OVCH1: variants seen among roughly 807,000 people sequenced by gnomAD.
OVCH1 encodes ovochymase-1.
OVCH1 carries 139 observed loss-of-function variants against 138.4 expected under a neutral mutation model. The observed-to-expected ratio is 1.00, with a 90% CI of 0.87 to 1.16. The LOEUF (loss-of-function observed/expected upper bound fraction) is 1.16, where lower values mean the gene tolerates loss of function less well. OVCH1 is among the 50% of genes most tolerant of loss of function. OVCH1 has a pLI of 0.00. For missense variants in OVCH1, 1,367 were observed against 1,357.9 expected, an observed-to-expected ratio of 1.01 and a Z score of -0.11; for synonymous variants, 453 against 467.8, an observed-to-expected ratio of 0.97 and a Z score of 0.41.
intron 3 of OVCH1, among the ~76,000 whole-genome samples, chr12:29,419,455 T>A (rs149266363): frequency 0.012 from 1 of 86 alleles, no homozygotes; most frequent in African/African-American, 0.015. Context: ...GCCCGGCTAA[T>A]TTTTTTTTTT....
At chr12:29,459,304 A>G (rs1032400274) in intron 19 of OVCH1, among the ~76,000 whole-genome samples, 5 of 152,228 alleles carry the variant, frequency 3.3e-5, no homozygotes, top group African/African-American at 1.2e-4. Flanking sequence ...ACTCAGCCAT[A>G]CAAAAGACTG....
At chr12:29,461,894 C>T (rs376570723) in exon 19 of OVCH1, 3 of 1,613,884 alleles carry the variant, frequency 1.9e-6, no homozygotes, top group African/African-American at 2.7e-5. Flanking sequence ...AAAGCCAGCA[C>T]AGATCATCTT....
At position 29,458,849 on chromosome 12, in the gene OVCH1, AAAG is replaced by A. The variant is rs754661612; in HGVS notation, c.2280+3002_2280+3004del. ...AAAAGATCTGAATAGATATTTCTCA[AAAG>A]AAGACATACAAATGGCAAACAGGTA... On this transcript the variant is annotated intron_variant, in intron 19 of 27. Transcript: ENST00000318184. Among the ~76,000 whole-genome samples the A allele has an allele frequency of 8.5e-5, 13 of 152,350 alleles. No individual in the cohort carries two copies. In the East Asian group the frequency reaches 2.1e-3, roughly 25 times the overall value.
At chr12:29,416,888 A>G (rs1325860275) in intron 3 of OVCH1, among the ~76,000 whole-genome samples, 3 of 152,230 alleles carry the variant, frequency 2.0e-5, no homozygotes, top group African/African-American at 7.2e-5. Flanking sequence ...AATAGCCCAG[A>G]GCTGGAAACA....
chr12:29,407,140 T>C, the OVCH1 span, among the ~76,000 whole-genome samples: 1 of 151,752 alleles, frequency 6.6e-6, no homozygotes, highest in Admixed American at 6.6e-5. Context: ...TTCGCCCACT[T>C]CTTGATGGGG....
chr12:29,496,708 G>C, intron 1 of OVCH1, 34 bp from the exon 2 acceptor site: 7 of 1,443,282 alleles, frequency 4.9e-6, no homozygotes, highest in Non-Finnish European at 6.7e-6. Flanking sequence ...TGCACACACA[G>C]AGCCTTATGT....
chr12:29,496,499 CAAAG>C (rs1943421578), intron 2 of OVCH1, 53 bp downstream of exon 2: 1 of 1,453,746 alleles, frequency 6.9e-7, no homozygotes, highest in South Asian at 1.3e-5. Flanking sequence ...GCTTTCGAAA[CAAAG>C]GAAATATTTC....
chr12:29,429,721 A>C (rs562921329), intron 27 of OVCH1, among the ~76,000 whole-genome samples: 1 of 152,340 alleles, frequency 6.6e-6, no homozygotes, highest in South Asian at 2.1e-4. Context: ...TAATCAAGAG[A>C]TGTGATCTCA....
At chr12:29,452,228 T>C (rs539041776) in intron 21 of OVCH1, among the ~76,000 whole-genome samples, 7 of 152,190 alleles carry the variant, frequency 4.6e-5, no homozygotes, top group Non-Finnish European at 7.3e-5. Context: ...TCTATATTCA[T>C]ATTTTAATGT....
intron 8 of OVCH1, among the ~76,000 whole-genome samples, chr12:29,480,202 G>C (rs566187092): frequency 8.5e-5 from 13 of 152,082 alleles, no homozygotes; most frequent in Non-Finnish European, 1.5e-5. Context: ...ATATTATAAA[G>C]TTCACTTGCT....
chr12:29,477,072 A>G (rs776063559), intron 12 of OVCH1, 30 bp downstream of exon 12: 3 of 1,550,990 alleles, frequency 1.9e-6, no homozygotes, highest in Non-Finnish European at 2.6e-6. Flanking sequence ...TCTATTCTTT[A>G]TGAGGTAGAG....
chr12:29,407,783 T>A (rs61917198), downstream of OVCH1, among the ~76,000 whole-genome samples: 73 of 149,830 alleles, frequency 4.9e-4, no homozygotes, highest in African/African-American at 1.2e-3. Flanking sequence ...TTGACTTGGC[T>A]ATGCGGGCTC....
intron 5 of OVCH1, 89 bp downstream of exon 5, chr12:29,491,008 G>T (rs1385725466): frequency 2.0e-6 from 2 of 1,014,108 alleles, no homozygotes; most frequent in Non-Finnish European, 3.0e-6. Context: ...AATGATAAAT[G>T]TACTACTCAT....
At chr12:29,449,456 A>G (rs1286064674) in intron 22 of OVCH1, among the ~76,000 whole-genome samples, 1 of 152,060 alleles carries the variant, frequency 6.6e-6, no homozygotes, top group Non-Finnish European at 1.5e-5. Flanking sequence ...TTTGGGCAGT[A>G]TGGCCATTTT....
At chr12:29,411,947 G>T (rs962170731), downstream of OVCH1, among the ~76,000 whole-genome samples, 8 of 149,022 alleles carry the variant, frequency 5.4e-5, no homozygotes, top group Non-Finnish European at 1.2e-4. Context: ...CTTGAGCTGT[G>T]TTGGGCTCCA....
chr12:29,411,574 A>T (rs1466306617), downstream of OVCH1, among the ~76,000 whole-genome samples: 1 of 151,830 alleles, frequency 6.6e-6, no homozygotes, highest in Non-Finnish European at 1.5e-5. Flanking sequence ...TCCACTCCAG[A>T]CCCTGTTTGC....
exon 11 of OVCH1, chr12:29,477,385 C>G: frequency 6.2e-7 from 1 of 1,614,016 alleles, no homozygotes; most frequent in East Asian, 2.2e-5. Context: ...CTCAAAGCCA[C>G]TGCCACTGTC....
chr12:29,419,960 G>A (rs900144509), intron 3 of OVCH1, among the ~76,000 whole-genome samples: 1 of 152,208 alleles, frequency 6.6e-6, no homozygotes, highest in South Asian at 2.1e-4. Flanking sequence ...TAAAGAAAAT[G>A]AGGTTTTGAT....
chr12:29,435,447 A>G (rs978936370), intron 26 of OVCH1, among the ~76,000 whole-genome samples: 2 of 152,044 alleles, frequency 1.3e-5, no homozygotes, highest in African/African-American at 4.8e-5. Context: ...GCTCACCACA[A>G]GCTCCTCCTT....
Sources: gnomAD v4.1 joint callset for allele counts (sites outside exome capture counted in the v4.1 genomes callset) on GRCh38, gnomAD v4.1.1 for gene constraint, MANE v1.5 for transcripts, NCBI Gene and HGNC (gene_info 2026-07-23, HGNC 2026-07-21) for gene names.